The following UBAP2 variants were observed in gnomAD, a reference collection of about 807,000 sequenced individuals.
The protein encoded by UBAP2 is ubiquitin-associated protein 2.
In UBAP2, 75 loss-of-function variants were observed where a neutral mutation model predicts 139.6. The observed-to-expected ratio is 0.54, with a 90% CI of 0.45 to 0.65. UBAP2 has a LOEUF of 0.65. Among genes scored for constraint, UBAP2 ranks in the 30% least tolerant of loss-of-function variants. The pLI, the probability that UBAP2 is intolerant of heterozygous loss-of-function variation, is 0.00. For missense variants in UBAP2, 1,368 were observed against 1,369.6 expected (o/e 1.00, Z 0.02); for synonymous variants, 526 against 526.2 (o/e 1.00, Z 0.01).
At chr9:34,014,025 G>T (rs1406820969) in intron 2 of UBAP2, among the ~76,000 whole-genome samples, 1 of 151,772 alleles carries the variant, frequency 6.6e-6, no homozygotes, top group East Asian at 1.9e-4. Context: ...GTGTTTAAAA[G>T]AAAAAAATTT....
chr9:33,940,071 AAAG>A (rs963620680), intron 16 of UBAP2, among the ~76,000 whole-genome samples: 22 of 150,014 alleles, frequency 1.5e-4, no homozygotes, highest in Non-Finnish European at 2.8e-4. Flanking sequence ...AAGAAGAAGA[AAAG>A]AAAAAGAAGA....
intron 21 of UBAP2, 57 bp from the exon 22 acceptor site, chr9:33,926,721 C>T: frequency 1.3e-6 from 2 of 1,594,184 alleles, no homozygotes; most frequent in Admixed American, 1.7e-5. Flanking sequence ...CTGGGAAGCC[C>T]AGGTCCATCT....
At position 33,941,845 on chromosome 9, in the gene UBAP2, G is replaced by T. The variant is rs1825236903; in HGVS notation, c.1733C>A (p.Ser578Tyr). ...CTGTACTGCACTGGTCATTGATAAA[G>T]ATGTATTCAAAGGCTCACTGAAAAG... The part of the protein sequence containing the change: ...SKSLSEPLNT[S>Y]LSMTSAVQNS... Residue 578 changes from serine (S) to tyrosine (Y), a missense_variant, in exon 16 of 29, where the codon TCT becomes TAT. Coordinates refer to ENST00000379238, the MANE Select transcript of UBAP2 (RefSeq NM_001370062.2). 1.9e-6 allele frequency: 3 copies of T among 1,612,722 alleles called. No individual in the cohort carries two copies. Among genetic ancestry groups the T allele is most frequent in the Non-Finnish European group, 2.5e-6 (3 of 1,179,318 alleles).
At chr9:34,007,904 G>A (rs1336644291) in intron 2 of UBAP2, among the ~76,000 whole-genome samples, 1 of 151,982 alleles carries the variant, frequency 6.6e-6, no homozygotes, top group Non-Finnish European at 1.5e-5. Context: ...GCCTCCCAAA[G>A]TGCTGCAATT....
chr9:34,016,968 A>G, intron 2 of UBAP2, 82 bp downstream of exon 2: 1 of 903,198 alleles, frequency 1.1e-6, no homozygotes, highest in Non-Finnish European at 1.7e-6. Context: ...GGCAAACAAG[A>G]GTTCCACATA....
chr9:33,945,306 G>T (rs1321083721), intron 13 of UBAP2, among the ~76,000 whole-genome samples: 1 of 152,054 alleles, frequency 6.6e-6, no homozygotes, highest in East Asian at 1.9e-4. Context: ...AGACCATCCT[G>T]GCTAACATGG....
chr9:33,995,306 A>G (rs936620734), intron 4 of UBAP2: 1 of 150,288 alleles, frequency 6.7e-6, no homozygotes, highest in Non-Finnish European at 1.5e-5. Flanking sequence ...GCAGTGAGTC[A>G]AGATCACACT....
At chr9:34,037,227 AT>A (rs1414391433) in intron 1 of UBAP2, among the ~76,000 whole-genome samples, 3 of 152,008 alleles carry the variant, frequency 2.0e-5, no homozygotes, top group Admixed American at 1.3e-4. Context: ...TGACCTCGTG[AT>A]CCGCCCGCCT....
intron 6 of UBAP2, among the ~76,000 whole-genome samples, chr9:33,984,520 C>A (rs1411299488): frequency 6.9e-6 from 1 of 144,954 alleles, no homozygotes; most frequent in African/African-American, 2.6e-5. Flanking sequence ...TTTTTTTTTT[C>A]TTTAAATTAG....
intron 1 of UBAP2, among the ~76,000 whole-genome samples, chr9:34,029,078 C>T (rs1367054701): frequency 2.0e-5 from 3 of 151,918 alleles, no homozygotes; most frequent in Non-Finnish European, 4.4e-5. Flanking sequence ...ATCATGTCAC[C>T]GCACTCCAGA....
chr9:33,979,435 T>G (rs1820439096), intron 6 of UBAP2, among the ~76,000 whole-genome samples: 1 of 151,840 alleles, frequency 6.6e-6, no homozygotes, highest in African/African-American at 2.4e-5. Flanking sequence ...ATTAGCTGGG[T>G]GTGGTGGCGC....
At chr9:33,943,630 G>C in intron 14 of UBAP2, 41 bp from the exon 15 acceptor site, 1 of 1,607,826 alleles carries the variant, frequency 6.2e-7, no homozygotes, top group African/African-American at 1.3e-5. Context: ...AGAGGTCACA[G>C]ATTCCAGGTC....
rs200274696 is a variant in UBAP2, at chr9:33,993,054, ATT to A, written c.288+3167_288+3168del. Reference sequence around the variant, plus strand: ...TTCAAGAGACCGATACTTCAAAACAATTTTGTCACATCAACCAAACATTATGA... The same window carrying A: ...TTCAAGAGACCGATACTTCAAAACAATTGTCACATCAACCAAACATTATGA... On this transcript the variant is annotated intron_variant, in intron 4 of 28. Transcript: ENST00000379238. Among the ~76,000 whole-genome samples, 13 of 152,332 alleles carry A rather than the reference ATT, an allele frequency of 8.5e-5. No homozygotes were observed. The East Asian group carries it at 2.5e-3, about 29-fold the overall frequency.
At chr9:33,952,631 T>C (rs16935299) in intron 12 of UBAP2, 29,742 of 152,732 alleles carry the variant, frequency 0.19, 3,675 homozygotes, top group East Asian at 0.59. Context: ...AAACAAGAAA[T>C]TGAATATACT....
intron 2 of UBAP2, among the ~76,000 whole-genome samples, chr9:34,002,880 G>A (rs914899578): frequency 1.3e-5 from 2 of 151,490 alleles, no homozygotes; most frequent in Non-Finnish European, 2.9e-5. Flanking sequence ...TACAAACAAG[G>A]TTCCGCCATG....
At chr9:33,927,210 A>ACCCTCTGCCTCATTC in intron 20 of UBAP2, 130 bp from the exon 21 acceptor site, 1 of 653,072 alleles carries the variant, frequency 1.5e-6, no homozygotes, top group Non-Finnish European at 2.6e-6. Context: ...TGGCCGAATG[A>ACCCTCTGCCTCATTC]GGCAGAGGGT....
intron 6 of UBAP2, among the ~76,000 whole-genome samples, chr9:33,977,023 A>C (rs1378435030): frequency 2.0e-5 from 3 of 148,262 alleles, no homozygotes; most frequent in Non-Finnish European, 4.5e-5. Context: ...GAAAAAACAA[A>C]AACAGTTGTT....
intron 6 of UBAP2, among the ~76,000 whole-genome samples, chr9:33,975,801 CAA>C (rs556958048): frequency 2.9e-4 from 21 of 72,310 alleles, no homozygotes; most frequent in Non-Finnish European, 2.4e-4. Context: ...GACTCCGTCT[CAA>C]AAAAAAAAAA....
chr9:33,941,378 G>A (rs1825184637), intron 16 of UBAP2, among the ~76,000 whole-genome samples: 1 of 152,106 alleles, frequency 6.6e-6, no homozygotes, highest in South Asian at 2.1e-4. Context: ...AGACAATGTA[G>A]AAGTACCCAG....
Sources: allele counts gnomAD v4.1 joint callset (sites outside exome capture counted in the v4.1 genomes callset), GRCh38; gene constraint gnomAD v4.1.1; transcripts MANE v1.5; gene names NCBI Gene and HGNC (gene_info 2026-07-23, HGNC 2026-07-21).